AHI1: variants seen among roughly 807,000 people sequenced by gnomAD.
The protein encoded by AHI1 is jouberin.
In AHI1, 123 loss-of-function variants were observed where a neutral mutation model predicts 149.3. The observed-to-expected ratio is 0.82, with a 90% CI of 0.71 to 0.96. The LOEUF is 0.96. AHI1 is among the 40% of genes least tolerant of loss of function. The pLI, the probability that AHI1 is intolerant of heterozygous loss-of-function variation, is 0.00. For synonymous variants in AHI1, 475 were observed against 459.8 expected (o/e 1.03, Z -0.42); for missense variants, 1,439 against 1,422.7 (o/e 1.01, Z -0.18).
At chr6:135,470,647 G>A (rs185633198) in intron 5 of AHI1, among the ~76,000 whole-genome samples, 231 of 152,132 alleles carry the variant, frequency 1.5e-3, no homozygotes, top group African/African-American at 5.2e-3. Flanking sequence ...AAAAAGGAAC[G>A]AGATCATGTC....
intron 5 of AHI1, among the ~76,000 whole-genome samples, chr6:135,486,057 A>C (rs188610756): frequency 3.5e-3 from 540 of 152,350 alleles, no homozygotes; most frequent in Admixed American, 9.8e-3. Context: ...CATGTAAAGC[A>C]CTTATTATGG....
chr6:135,482,909 T>TTTTTTTTTTTTTTTTTTTTC (rs6149820), intron 5 of AHI1, among the ~76,000 whole-genome samples: 1 of 141,774 alleles, frequency 7.1e-6, no homozygotes, highest in East Asian at 2.0e-4. Flanking sequence ...TTTTTTTTTT[T>TTTTTTTTTTTTTTTTTTTTC]GAGACAGAGT....
chr6:135,312,876 A>G (rs1053589235), intron 26 of AHI1, among the ~76,000 whole-genome samples: 1 of 152,248 alleles, frequency 6.6e-6, no homozygotes, highest in Admixed American at 6.5e-5. Flanking sequence ...GATGCCCCAC[A>G]ATTTTAGTCA....
At chr6:135,327,730 G>T (rs896221366) in intron 24 of AHI1, among the ~76,000 whole-genome samples, 1 of 151,994 alleles carries the variant, frequency 6.6e-6, no homozygotes, top group East Asian at 1.9e-4. Context: ...CAATCAGAGG[G>T]TCCTTCCCCC....
intron 25 of AHI1, among the ~76,000 whole-genome samples, chr6:135,322,169 T>C (rs2128382682): frequency 6.6e-6 from 1 of 152,338 alleles, no homozygotes; most frequent in South Asian, 2.1e-4. Flanking sequence ...TTACAGATAA[T>C]ATCATTTAAT....
rs1781470027 is a variant in AHI1 at position 135,283,953 on chromosome 6, A to T, written c.*1692T>A. On this transcript the variant is annotated 3_prime_UTR_variant, in exon 29 of 29. Coordinates refer to ENST00000265602, the MANE Select transcript of AHI1 (RefSeq NM_001134831.2). Reference sequence around the variant, plus strand: ...AAATTCTTGGTGATTCAATCAGAAAATCAACACATATCTCAAAATTATTAG... The same window carrying T: ...AAATTCTTGGTGATTCAATCAGAAATTCAACACATATCTCAAAATTATTAG... 1 of 152,238 alleles carries T rather than the reference A, an allele frequency of 6.6e-6. No homozygotes were observed. The highest frequency in any genetic ancestry group is 1.5e-5 in the Non-Finnish European group (1 of 68,040). The allele number at this position is 152,238 out of a possible 1,614,324, so 9.4% of individuals were successfully genotyped here. A position where few individuals can be genotyped will look rare whatever the true frequency, so the allele number is the denominator to read the frequency against.
At chr6:135,353,676 A>G (rs1582770451) in intron 24 of AHI1, among the ~76,000 whole-genome samples, 1 of 152,288 alleles carries the variant, frequency 6.6e-6, no homozygotes, top group East Asian at 1.9e-4. Context: ...TACAGATATT[A>G]TATAATCCAA....
Position 135,394,884 on chromosome 6 carries a change from G to C in AHI1, c.3001C>G (p.Leu1001Val). 1 of 1,597,466 alleles carries C rather than the reference G, an allele frequency of 6.3e-7. No homozygotes were observed. Among genetic ancestry groups the C allele is most frequent in the Non-Finnish European group, 8.5e-7 (1 of 1,170,720 alleles). Reference protein sequence around the residue: ...RSCAAKVNKNLSFTSPPAVSS... With the variant: ...RSCAAKVNKNVSFTSPPAVSS... ...ACTGCTGGTGGTGAAGTAAATGAGA[G>C]ATTTTTGTTGACCTGTATTAGGAAA... is the stretch of plus-strand genomic sequence containing the variant. The change falls in exon 23 of 29, where the codon CTC (leucine) becomes GTC (valine). Residue 1001 changes from leucine to valine, a missense_variant. Coordinates refer to ENST00000265602, the MANE Select transcript of AHI1 (RefSeq NM_001134831.2).
intron 14 of AHI1, among the ~76,000 whole-genome samples, chr6:135,439,748 G>A (rs1785978257): frequency 1.3e-5 from 2 of 152,140 alleles, no homozygotes; most frequent in African/African-American, 4.8e-5. Flanking sequence ...TAAATCTGTG[G>A]GTGGAAAGCA....
intron 27 of AHI1, among the ~76,000 whole-genome samples, chr6:135,291,462 T>A (rs1244401947): frequency 2.0e-5 from 3 of 152,156 alleles, no homozygotes. Context: ...CAGAGCGTGC[T>A]CTTTTTGCAC....
chr6:135,387,898 A>T, intron 23 of AHI1: 1 of 1,580,836 alleles, frequency 6.3e-7, no homozygotes, highest in Non-Finnish European at 8.6e-7. Context: ...ATCCGAAGAG[A>T]GAAAGTGAAC....
intron 25 of AHI1, among the ~76,000 whole-genome samples, chr6:135,322,631 T>C (rs1385432251): frequency 2.0e-5 from 3 of 152,236 alleles, no homozygotes; most frequent in Non-Finnish European, 4.4e-5. Context: ...TTTTAAATAA[T>C]TGTCATTTAT....
rs781722632 is a variant in AHI1, at chr6:135,300,481, T to A, written c.3485+19A>T. 14 of 1,589,992 alleles carry A rather than the reference T, an allele frequency of 8.8e-6. No individual in the cohort carries two copies. Among genetic ancestry groups the A allele is most frequent in the Non-Finnish European group, 1.2e-5 (14 of 1,168,458 alleles). ...CCCAACCATTTATCACTGCAAATTA[T>A]TTTGAAGAAGTTGCTTACTGTGTCA... On this transcript the variant is annotated intron_variant, in intron 27 of 28. Coordinates refer to ENST00000265602, the MANE Select transcript of AHI1 (RefSeq NM_001134831.2).
chr6:135,288,843 A>C (rs1255960798), intron 28 of AHI1, among the ~76,000 whole-genome samples: 1 of 151,840 alleles, frequency 6.6e-6, no homozygotes. Flanking sequence ...ACAAAACAAA[A>C]CAAAAAAAAA....
chr6:135,477,476 T>C (rs370744488), intron 5 of AHI1, among the ~76,000 whole-genome samples: 7 of 152,336 alleles, frequency 4.6e-5, no homozygotes, highest in Admixed American at 3.3e-4. Context: ...AGCTTCTCAT[T>C]GTTGATATGG....
At chr6:135,380,282 T>C (rs1776548349) in intron 23 of AHI1, among the ~76,000 whole-genome samples, 1 of 152,052 alleles carries the variant, frequency 6.6e-6, no homozygotes. Flanking sequence ...GCATCTGTAA[T>C]GAACACATAG....
intron 24 of AHI1, among the ~76,000 whole-genome samples, chr6:135,329,830 A>T (rs1422622390): frequency 1.3e-5 from 2 of 152,198 alleles, no homozygotes; most frequent in Non-Finnish European, 2.9e-5. Context: ...GAGGACATCC[A>T]ATTGTCAACA....
At chr6:135,497,530 G>T (rs1443366151) in intron 1 of AHI1, 53 bp downstream of exon 1, 1 of 153,006 alleles carries the variant, frequency 6.5e-6, no homozygotes, top group African/African-American at 2.4e-5. Flanking sequence ...GGCCGGGCAG[G>T]CCGAGCACCC....
In AHI1 at chr6:135,427,216, A is replaced by C. The variant is rs1213366157; in HGVS notation, c.2715T>G (p.Cys905Trp). The C allele has an allele frequency of 1.9e-6, 3 of 1,610,732 alleles. No homozygotes were observed. The highest frequency in any genetic ancestry group is 2.5e-6 in the Non-Finnish European group (3 of 1,177,896). Reference sequence around the variant, plus strand: ...GAATTGGCTCATTTTGCCCAAATGCACAGAATGCAACCATATTTTCAAATG... The same window carrying C: ...GAATTGGCTCATTTTGCCCAAATGCCCAGAATGCAACCATATTTTCAAATG... ...YHPFENMVAF[C>W]AFGQNEPILL... Residue 905 changes from cysteine to tryptophan, a missense_variant, in exon 20 of 29, where the codon TGT becomes TGG. By Grantham distance (215) the Cys-to-Trp change is radical. Transcript: ENST00000265602.
Sources: gnomAD v4.1 joint callset for allele counts (sites outside exome capture counted in the v4.1 genomes callset) on GRCh38, gnomAD v4.1.1 for gene constraint, MANE v1.5 for transcripts, NCBI Gene and HGNC (gene_info 2026-07-23, HGNC 2026-07-21) for gene names.